UCHL3: variants seen among roughly 807,000 people sequenced by gnomAD.
The protein encoded by UCHL3 is ubiquitin carboxyl-terminal hydrolase isozyme L3.
A neutral mutation model predicts 35.8 loss-of-function variants in UCHL3; 22 were observed. The observed-to-expected ratio is 0.61, with a 90% CI of 0.44 to 0.88. The LOEUF (loss-of-function observed/expected upper bound fraction) is 0.88, where lower values mean the gene tolerates loss of function less well. UCHL3 is among the 40% of genes least tolerant of loss of function. The pLI is 0.00. For missense variants in UCHL3, 229 were observed against 276.9 expected (o/e 0.83, Z 1.23); for synonymous variants, 90 against 92.8 (o/e 0.97, Z 0.17).
intron 7 of UCHL3, among the ~76,000 whole-genome samples, chr13:75,602,480 A>AG (rs2032803998): frequency 1.3e-5 from 2 of 152,224 alleles, no homozygotes; most frequent in African/African-American, 4.8e-5. Context: ...TACAAGGTGC[A>AG]GCTTTTTCCT....
At position 75,605,857 on chromosome 13, in the gene UCHL3, A is replaced by G; in HGVS notation, c.*45A>G. 1.3e-6 allele frequency: 2 copies of G among 1,590,684 alleles called. No homozygotes were observed. The highest frequency in any genetic ancestry group is 1.7e-6 in the Non-Finnish European group (2 of 1,162,910). ...CCAAAAACTGTATTATTTGCAACTA[A>G]ATTTTCTCTGCCATACACTAACTCA... On this transcript the variant is annotated 3_prime_UTR_variant, in exon 9 of 9. Coordinates refer to ENST00000377595, the MANE Select transcript of UCHL3 (RefSeq NM_006002.5).
rs555371438 is a variant in UCHL3, at chr13:75,571,014, G to A, written c.474+1507G>A. Among the ~76,000 whole-genome samples the A allele has an allele frequency of 5.9e-5, 9 of 152,224 alleles. No homozygotes were observed. The South Asian group carries it at 1.7e-3, about 28-fold the overall frequency. ...CCATACACAGACACATAAGAGGCCC[G>A]TCTAAAAGTTTTTAACACCAGATTG... On this transcript the variant is annotated intron_variant, in intron 6 of 8. Transcript: ENST00000377595.
chr13:75,563,628 G>C (rs138344990), intron 3 of UCHL3, among the ~76,000 whole-genome samples: 1 of 152,056 alleles, frequency 6.6e-6, no homozygotes, highest in Non-Finnish European at 1.5e-5. Flanking sequence ...TGTTACAAGA[G>C]CAGCTAAAAT....
At chr13:75,590,798 C>G (rs1332517415) in intron 6 of UCHL3, among the ~76,000 whole-genome samples, 3 of 152,114 alleles carry the variant, frequency 2.0e-5, no homozygotes, top group African/African-American at 7.2e-5. Context: ...TATGATTTCT[C>G]TTTCATAGGC....
At chr13:75,603,330 A>G (rs1443954653) in intron 7 of UCHL3, among the ~76,000 whole-genome samples, 1 of 152,132 alleles carries the variant, frequency 6.6e-6, no homozygotes, top group Non-Finnish European at 1.5e-5. Context: ...GATGGAAACC[A>G]GGAAAATACA....
At chr13:75,550,911 G>T (rs989697265) in intron 2 of UCHL3, among the ~76,000 whole-genome samples, 5 of 152,086 alleles carry the variant, frequency 3.3e-5, no homozygotes, top group Non-Finnish European at 7.4e-5. Flanking sequence ...CCTCTGTCTT[G>T]CTCTCTATCT....
intron 6 of UCHL3, among the ~76,000 whole-genome samples, chr13:75,574,086 C>T (rs538172179): frequency 1.3e-5 from 2 of 152,148 alleles, no homozygotes; most frequent in South Asian, 2.1e-4. Context: ...GGTGTGGTGG[C>T]GGGTGCCTGT....
intron 7 of UCHL3, among the ~76,000 whole-genome samples, chr13:75,601,031 GATATC>G (rs771942997): frequency 1.3e-5 from 2 of 152,178 alleles, no homozygotes. Flanking sequence ...AGTAACTGCA[GATATC>G]ATGAAAATAG....
At chr13:75,583,029 T>A (rs1176074537) in intron 6 of UCHL3, among the ~76,000 whole-genome samples, 1 of 152,184 alleles carries the variant, frequency 6.6e-6, no homozygotes, top group Non-Finnish European at 1.5e-5. Context: ...TTGGAGATAT[T>A]TGTATAGTGC....
upstream of UCHL3, chr13:75,549,786 C>T (rs765711293): frequency 1.7e-5 from 25 of 1,467,250 alleles, no homozygotes; most frequent in Admixed American, 5.2e-5. Context: ...GCGAAGGCGG[C>T]GGCTGTCAGA....
chr13:75,589,971 A>T, intron 6 of UCHL3: 1 of 1,304,744 alleles, frequency 7.7e-7, no homozygotes, highest in Non-Finnish European at 1.0e-6. Flanking sequence ...GCCTCATTCT[A>T]GCCACTGCAG....
intron 6 of UCHL3, among the ~76,000 whole-genome samples, chr13:75,584,947 G>GA (rs953852798): frequency 6.6e-6 from 1 of 151,378 alleles, no homozygotes; most frequent in Non-Finnish European, 1.5e-5. Flanking sequence ...AAAAGAGGGG[G>GA]AAAAACCACA....
rs188725910 is a variant in UCHL3 at position 75,550,108 on chromosome 13, T to A, written c.54+121T>A. Reference sequence around the variant, plus strand: ...TGGGATTTAATTTCTTGAGGGCCCCTCTTGTTCGGCTTTACGCGGGTCCGC... The same window carrying A: ...TGGGATTTAATTTCTTGAGGGCCCCACTTGTTCGGCTTTACGCGGGTCCGC... On this transcript the variant is annotated intron_variant, in intron 2 of 8. Transcript: ENST00000377595. 544 of 1,501,420 alleles carry A rather than the reference T, an allele frequency of 3.6e-4. 3 individuals carry two copies. The African/African-American group carries it at 6.5e-3, about 18-fold the overall frequency. The allele number at this position is 1,501,420 out of a possible 1,614,324, so 93.0% of individuals were successfully genotyped here.
At chr13:75,552,157 A>C (rs1174562164) in intron 2 of UCHL3, among the ~76,000 whole-genome samples, 1 of 152,218 alleles carries the variant, frequency 6.6e-6, no homozygotes, top group East Asian at 1.9e-4. Flanking sequence ...TTTTTAAAGA[A>C]ATAATGTGCT....
intron 3 of UCHL3, among the ~76,000 whole-genome samples, chr13:75,563,938 G>GTA (rs2031598903): frequency 6.6e-6 from 1 of 151,882 alleles, no homozygotes; most frequent in African/African-American, 2.4e-5. Flanking sequence ...GTGTGTGTGT[G>GTA]TGTGTCTATA....
chr13:75,593,903 T>G (rs1451455390), intron 6 of UCHL3, among the ~76,000 whole-genome samples: 1 of 152,222 alleles, frequency 6.6e-6, no homozygotes, highest in African/African-American at 2.4e-5. Context: ...AAGAATATAA[T>G]TTTTTATTTA....
At chr13:75,595,711 C>T (rs2032629753) in intron 7 of UCHL3, among the ~76,000 whole-genome samples, 1 of 142,294 alleles carries the variant, frequency 7.0e-6, no homozygotes, top group East Asian at 2.2e-4. Context: ...AAAGACTTTA[C>T]AGGAGCCTTT....
intron 5 of UCHL3, among the ~76,000 whole-genome samples, chr13:75,568,004 A>G (rs974875697): frequency 6.6e-6 from 1 of 152,210 alleles, no homozygotes; most frequent in African/African-American, 2.4e-5. Flanking sequence ...GTTTAAAGGT[A>G]GACATTAGAC....
rs2032934972 is a variant in UCHL3 at position 75,605,985 on chromosome 13, A to G, written c.*173A>G. 3 of 567,796 alleles carry G rather than the reference A, an allele frequency of 5.3e-6. No individual in the cohort carries two copies. The highest frequency in any genetic ancestry group is 3.1e-5 in the Admixed American group (1 of 32,496). The allele number at this position is 567,796 out of a possible 1,614,324, so 35.2% of individuals were successfully genotyped here. On this transcript the variant is annotated 3_prime_UTR_variant, in exon 9 of 9. Transcript: ENST00000377595. ...ATTTTTGCTCCAGGTTAAAGGTGCAATGCTTTCCTCCTCTTTTCTTGTGAA... is the reference window on the plus strand; with the variant it reads ...ATTTTTGCTCCAGGTTAAAGGTGCAGTGCTTTCCTCCTCTTTTCTTGTGAA...
Sources: gnomAD v4.1 joint callset for allele counts (sites outside exome capture counted in the v4.1 genomes callset) on GRCh38, gnomAD v4.1.1 for gene constraint, MANE v1.5 for transcripts, NCBI Gene and HGNC (gene_info 2026-07-23, HGNC 2026-07-21) for gene names.